Variants in ALB observed in about 807,000 individuals in gnomAD.
ALB encodes serum albumin.
Under a neutral mutation model 74.5 loss-of-function variants are expected in ALB, and 37 were observed. That is an observed-to-expected ratio of 0.50 (90% CI 0.38 to 0.65). ALB has a LOEUF of 0.65. Ranked by LOEUF, ALB falls within the 30% of genes least tolerant of loss-of-function variation. ALB has a pLI of 0.00. For missense variants in ALB, 685 were observed against 718.7 expected (o/e 0.95, Z 0.54); for synonymous variants, 249 against 251.6 (o/e 0.99, Z 0.10).
At position 73,405,174 on chromosome 4, in the gene ALB, G is replaced by A; in HGVS notation, c.137+1G>A. On this transcript the variant is annotated splice_donor_variant, in intron 2 of 14. Coordinates refer to ENST00000295897, the MANE Select transcript of ALB (RefSeq NM_000477.7). LOFTEE classifies it high-confidence loss of function. ...TGGGAGAAGAAAATTTCAAAGCCTT[G>A]TAAGTTAAAATATTGATGAATCAAA... is the stretch of plus-strand genomic sequence containing the variant. 6.2e-7 allele frequency: 1 copy of A among 1,607,298 alleles called. No homozygotes were observed. The highest frequency in any genetic ancestry group is 8.5e-7 in the Non-Finnish European group (1 of 1,173,980).
chr4:73,412,817 T>C (rs1718913881), intron 7 of ALB, among the ~76,000 whole-genome samples: 1 of 152,232 alleles, frequency 6.6e-6, no homozygotes, highest in African/African-American at 2.4e-5. Context: ...GGAAATGATG[T>C]ATTTTTCTTC....
At chr4:73,405,791 C>A (rs1019745563) in intron 2 of ALB, among the ~76,000 whole-genome samples, 1 of 151,980 alleles carries the variant, frequency 6.6e-6, no homozygotes, top group Non-Finnish European at 1.5e-5. Flanking sequence ...GGGGTTTCAC[C>A]GTGTGCCAGG....
chr4:73,411,970 A>G, intron 6 of ALB, 26 bp from the exon 7 acceptor site: 1 of 1,614,006 alleles, frequency 6.2e-7, no homozygotes, highest in Non-Finnish European at 8.5e-7. Context: ...TGATAATACC[A>G]TTTTGATTGG....
chr4:73,407,466 C>T (rs1718763388), intron 3 of ALB, among the ~76,000 whole-genome samples: 1 of 152,186 alleles, frequency 6.6e-6, no homozygotes, highest in Non-Finnish European at 1.5e-5. Context: ...GAATAATATT[C>T]CAGTGCATGT....
chr4:73,417,783 G>C (rs1014749985), intron 11 of ALB, 114 bp downstream of exon 11: 2 of 988,960 alleles, frequency 2.0e-6, no homozygotes, highest in African/African-American at 3.3e-5. Context: ...GCATGTTTGT[G>C]TGCATGTGTG....
Position 73,412,168 on chromosome 4 carries a change from A to C in ALB, c.843+43A>C, listed in dbSNP as rs529892555. The C allele has an allele frequency of 4.3e-6, 7 of 1,612,558 alleles. No homozygotes were observed. The African/African-American group carries it at 6.7e-5, about 15-fold the overall frequency. On this transcript the variant is annotated intron_variant, in intron 7 of 14. Transcript: ENST00000295897. ...TGCTTTTTGGTAGCTTGCATGCTCA[A>C]GTTGGTAGAATGGATGCGTTTGGTA...
At chr4:73,413,713 G>C (rs1718939223) in intron 8 of ALB, 79 bp downstream of exon 8, 1 of 1,385,722 alleles carries the variant, frequency 7.2e-7, no homozygotes, top group South Asian at 1.2e-5. Context: ...CTTTTCTGTG[G>C]AGTTGCTACA....
intron 6 of ALB, among the ~76,000 whole-genome samples, 176 bp downstream of exon 6, chr4:73,410,585 T>A (rs956209649): frequency 6.6e-6 from 1 of 152,184 alleles, no homozygotes; most frequent in African/African-American, 2.4e-5. Context: ...CAATTTGACA[T>A]TATTTTTAAT....
chr4:73,406,845 CAAT>C (rs1297759575), intron 3 of ALB, 84 bp downstream of exon 3: 1 of 1,505,014 alleles, frequency 6.6e-7, no homozygotes, highest in Non-Finnish European at 9.1e-7. Context: ...TAAGTTTTCT[CAAT>C]TATTATTAAG....
intron 7 of ALB, 142 bp from the exon 8 acceptor site, chr4:73,413,278 A>G: frequency 1.3e-6 from 1 of 797,408 alleles, no homozygotes; most frequent in Non-Finnish European, 2.1e-6. Context: ...CAGGTTTAGG[A>G]GCAAACAGAG....
At chr4:73,405,681 C>T (rs925088269) in intron 2 of ALB, among the ~76,000 whole-genome samples, 1 of 151,974 alleles carries the variant, frequency 6.6e-6, no homozygotes, top group Non-Finnish European at 1.5e-5. Flanking sequence ...AACTCCGCCT[C>T]CCGGGTTCAC....
In ALB at chr4:73,417,572, C is replaced by T. The variant is rs1719044441; in HGVS notation, c.1331C>T (p.Thr444Ile). 2 of 1,613,944 alleles carry T rather than the reference C, an allele frequency of 1.2e-6. No homozygotes were observed. The highest frequency in any genetic ancestry group is 1.7e-6 in the Non-Finnish European group (2 of 1,179,924). ...ACCAAGAAAGTACCCCAAGTGTCAACTCCAACTCTTGTAGAGGTCTCAAGA... is the reference window on the plus strand; with the variant it reads ...ACCAAGAAAGTACCCCAAGTGTCAATTCCAACTCTTGTAGAGGTCTCAAGA... ...RYTKKVPQVS[T>I]PTLVEVSRNL... Residue 444 changes from threonine (T) to isoleucine (I), a missense_variant, in exon 11 of 15, where the codon ACT becomes ATT. Thr to Ile is a moderately conservative substitution (Grantham distance 89). Coordinates refer to ENST00000295897, the MANE Select transcript of ALB (RefSeq NM_000477.7).
intron 10 of ALB, 76 bp from the exon 11 acceptor site, chr4:73,417,455 C>T: frequency 1.3e-6 from 2 of 1,549,326 alleles, no homozygotes; most frequent in East Asian, 2.2e-5. Context: ...TTGATTCCGG[C>T]CAAGTGTTCT....
chr4:73,404,527 T>G (rs1378384299), intron 1 of ALB, 121 bp downstream of exon 1: 1 of 850,638 alleles, frequency 1.2e-6, no homozygotes, highest in Non-Finnish European at 1.9e-6. Flanking sequence ...TGGCATAGTA[T>G]TTTGTATTTG....
chr4:73,406,182 C>T (rs1468479216), intron 2 of ALB, among the ~76,000 whole-genome samples: 1 of 152,130 alleles, frequency 6.6e-6, no homozygotes, highest in Non-Finnish European at 1.5e-5. Context: ...TCGTTTGGAC[C>T]TGAGAGGTCA....
In ALB at chr4:73,406,965, C is replaced by A. The variant is rs568694816; in HGVS notation, c.270+204C>A. On this transcript the variant is annotated intron_variant, in intron 3 of 14. Coordinates refer to ENST00000295897, the MANE Select transcript of ALB (RefSeq NM_000477.7). The stretch of plus-strand genomic sequence containing the variant: ...TATGTCCACAGTTTTAAAATCATTT[C>A]TTTATTGAGACCAAACACAACAGTC... Among the ~76,000 whole-genome samples, 4 of 152,178 alleles carry A rather than the reference C, an allele frequency of 2.6e-5. No homozygotes were observed. In the South Asian group the frequency reaches 6.2e-4, roughly 24 times the overall value.
rs1193523258 is a variant in ALB at position 73,417,680 on chromosome 4, A to T, written c.1428+11A>T. On this transcript the variant is annotated intron_variant, in intron 11 of 14. Coordinates refer to ENST00000295897, the MANE Select transcript of ALB (RefSeq NM_000477.7). The stretch of plus-strand genomic sequence containing the variant: ...TGTGCAGAAGACTATGTGAGTCTTT[A>T]AAAAAATATAATAAATTAATAATGA... 6.4e-7 allele frequency: 1 copy of T among 1,562,558 alleles called. No individual in the cohort carries two copies. The highest frequency in any genetic ancestry group is 2.3e-5 in the East Asian group (1 of 43,046).
chr4:73,418,125 A>G lies in ALB; in HGVS notation c.1466A>G (p.Glu489Gly). 1 of 1,614,142 alleles carries G rather than the reference A, an allele frequency of 6.2e-7. No homozygotes were observed. The highest frequency in any genetic ancestry group is 1.1e-5 in the South Asian group (1 of 91,084). The part of the protein sequence containing the change: ...VVLNQLCVLH[E>G]KTPVSDRVTK... ...CTGAACCAGTTATGTGTGTTGCATG[A>G]GAAAACGCCAGTAAGTGACAGAGTC... The change falls in exon 12 of 15, where the codon GAG becomes GGG. Residue 489 changes from glutamate to glycine, a missense_variant. Glu to Gly is a moderately conservative substitution (Grantham distance 98). Transcript: ENST00000295897.
chr4:73,406,256 C>T (rs1718725524), intron 2 of ALB, among the ~76,000 whole-genome samples: 1 of 151,962 alleles, frequency 6.6e-6, no homozygotes, highest in African/African-American at 2.4e-5. Flanking sequence ...GAGACTCTGT[C>T]TCAAAAAAGA....
Sources: gnomAD v4.1 joint callset for allele counts (sites outside exome capture counted in the v4.1 genomes callset) on GRCh38, gnomAD v4.1.1 for gene constraint, MANE v1.5 for transcripts, NCBI Gene and HGNC (gene_info 2026-07-23, HGNC 2026-07-21) for gene names.